Variants in PRDM16 observed in about 807,000 individuals in gnomAD.
PRDM16 encodes the protein histone-lysine N-methyltransferase PRDM16.
PRDM16 carries 23 observed loss-of-function variants against 110.6 expected under a neutral mutation model. The ratio of observed to expected loss-of-function variants is 0.21; its 90% CI spans 0.15 to 0.29. The LOEUF (loss-of-function observed/expected upper bound fraction) is 0.29, where lower values mean the gene tolerates loss of function less well. Among genes scored for constraint, PRDM16 ranks in the 10% least tolerant of loss-of-function variants. PRDM16 has a pLI of 1.00. For synonymous variants in PRDM16, 799 were observed against 781.8 expected (o/e 1.02, Z -0.37); for missense variants, 1,615 against 1,794.3 (o/e 0.90, Z 1.81).
chr1:3,181,950 A>G (rs1202738531), intron 1 of PRDM16, among the ~76,000 whole-genome samples: 1 of 151,944 alleles, frequency 6.6e-6, no homozygotes, highest in East Asian at 1.9e-4. Flanking sequence ...TTACACACAC[A>G]GTCTTACACA....
chr1:3,373,753 T>G (rs958853530), intron 3 of PRDM16, among the ~76,000 whole-genome samples: 1 of 152,244 alleles, frequency 6.6e-6, no homozygotes, highest in East Asian at 1.9e-4. Context: ...TGCACCTCCG[T>G]GAGAAAAACA....
chr1:3,072,784 C>T (rs568950528), intron 1 of PRDM16, among the ~76,000 whole-genome samples: 11 of 152,254 alleles, frequency 7.2e-5, no homozygotes, highest in South Asian at 2.1e-4. Context: ...TGCCCCGCTT[C>T]GGACGAAAAC....
intron 3 of PRDM16, among the ~76,000 whole-genome samples, chr1:3,323,601 A>AG (rs374964555): frequency 8.5e-5 from 13 of 152,328 alleles, no homozygotes; most frequent in African/African-American, 3.1e-4. Context: ...GTCCCAGGCC[A>AG]GGGAACCCCC....
chr1:3,314,209 G>A (rs556330160), intron 3 of PRDM16, among the ~76,000 whole-genome samples: 3 of 152,242 alleles, frequency 2.0e-5, no homozygotes, highest in Admixed American at 2.0e-4. Context: ...CGTGGTGGGG[G>A]AGGACCGACC....
chr1:3,418,575 A>G (rs1638338696), intron 11 of PRDM16, 92 bp from the exon 12 acceptor site: 1 of 841,652 alleles, frequency 1.2e-6, no homozygotes. Context: ...CAGGTGTGAG[A>G]CCCCGAGCAT....
At chr1:3,089,347 C>A (rs189146904) in intron 1 of PRDM16, among the ~76,000 whole-genome samples, 7 of 152,238 alleles carry the variant, frequency 4.6e-5, no homozygotes, top group African/African-American at 7.2e-5. Context: ...ACCCACCCCC[C>A]ACCGGGGCTG....
chr1:3,184,561 C>T (rs528346723), intron 1 of PRDM16, among the ~76,000 whole-genome samples: 2 of 152,316 alleles, frequency 1.3e-5, no homozygotes, highest in South Asian at 4.1e-4. Context: ...ACCTAACACT[C>T]GCGCCTGCCT....
chr1:3,414,797 T>C (rs1643753220), intron 10 of PRDM16, 150 bp downstream of exon 10: 1 of 648,974 alleles, frequency 1.5e-6, no homozygotes, highest in Non-Finnish European at 2.7e-6. Flanking sequence ...AGGAGGATTC[T>C]CTCCCTGAGG....
chr1:3,357,270 G>A (rs1642625611), intron 3 of PRDM16, among the ~76,000 whole-genome samples: 2 of 152,140 alleles, frequency 1.3e-5, no homozygotes, highest in African/African-American at 4.8e-5. Context: ...GTTAGGCCCT[G>A]CTGTGCCCTC....
chr1:3,181,592 G>GGTCTTACACA (rs1644192312), intron 1 of PRDM16, among the ~76,000 whole-genome samples: 2 of 66,902 alleles, frequency 3.0e-5, no homozygotes, highest in African/African-American at 1.4e-4. Flanking sequence ...TCTTACATAT[G>GGTCTTACACA]GTCTTACACA....
At chr1:3,428,464 A>C in intron 14 of PRDM16, among the ~76,000 whole-genome samples, 1 of 152,210 alleles carries the variant, frequency 6.6e-6, no homozygotes, top group East Asian at 1.9e-4. Flanking sequence ...ACACCTCAGA[A>C]CATACGGGCA....
chr1:3,193,357 TC>T (rs1638364724), intron 2 of PRDM16, among the ~76,000 whole-genome samples: 1 of 152,222 alleles, frequency 6.6e-6, no homozygotes, highest in Non-Finnish European at 1.5e-5. Flanking sequence ...CTAGGAGATC[TC>T]CAGGCTGCCT....
intron 3 of PRDM16, among the ~76,000 whole-genome samples, chr1:3,327,107 C>T (rs1476148118): frequency 6.6e-6 from 1 of 152,274 alleles, no homozygotes; most frequent in Admixed American, 6.5e-5. Flanking sequence ...TCAAAACTAA[C>T]ATTGGGAAGT....
chr1:3,421,154 T>A (rs559864852), intron 12 of PRDM16, among the ~76,000 whole-genome samples: 34 of 152,310 alleles, frequency 2.2e-4, no homozygotes, highest in Non-Finnish European at 2.9e-4. Flanking sequence ...TCTTTCTTCC[T>A]CTTCCCTCAC....
chr1:3,426,993 C>T (rs1415494877), intron 14 of PRDM16, among the ~76,000 whole-genome samples: 2 of 152,364 alleles, frequency 1.3e-5, no homozygotes, highest in Admixed American at 6.5e-5. Context: ...TCTACACACA[C>T]GCATATGCAC....
In PRDM16 at chr1:3,339,532, T is replaced by C. The variant is rs1012416826; in HGVS notation, c.439-45620T>C. On this transcript the variant is annotated intron_variant, in intron 3 of 16. Transcript: ENST00000270722. The surrounding 1 kb of genome is among the most constrained non-coding windows in gnomAD (Gnocchi z 5.0). Reference sequence around the variant, plus strand: ...GGATTTCAAGAGCAACAAAGCTTTGTTGCCCACCGAGCGATTCAGGCAGTG... The same window carrying C: ...GGATTTCAAGAGCAACAAAGCTTTGCTGCCCACCGAGCGATTCAGGCAGTG... Among the ~76,000 whole-genome samples the C allele has an allele frequency of 8.6e-5, 13 of 150,406 alleles. No individual in the cohort carries two copies. The highest frequency in any genetic ancestry group is 5.9e-4 in the Admixed American group (9 of 15,134).
chr1:3,413,719 C>G (rs541065852), intron 9 of PRDM16, among the ~76,000 whole-genome samples: 8 of 152,236 alleles, frequency 5.3e-5, no homozygotes, highest in African/African-American at 1.9e-4. Flanking sequence ...GGGAAAGAGG[C>G]TCCCAAATCT....
At chr1:3,142,169 A>T (rs1339059331) in intron 1 of PRDM16, among the ~76,000 whole-genome samples, 2 of 152,236 alleles carry the variant, frequency 1.3e-5, no homozygotes, top group Admixed American at 6.5e-5. Context: ...CTGGTCTTCC[A>T]GGAAGAGGTT....
intron 3 of PRDM16, among the ~76,000 whole-genome samples, chr1:3,341,018 A>G (rs377085977): frequency 0.016 from 2,426 of 149,126 alleles, 63 homozygotes; most frequent in African/African-American, 0.059. Context: ...CAGGCTAGGG[A>G]GGGGGATGTG....
Sources: allele counts gnomAD v4.1 joint callset (sites outside exome capture counted in the v4.1 genomes callset), GRCh38; gene constraint gnomAD v4.1.1; non-coding constraint Gnocchi (gnomAD v3.1); transcripts MANE v1.5; gene names NCBI Gene and HGNC (gene_info 2026-07-23, HGNC 2026-07-21).